Variants in DSCAM observed in about 807,000 individuals in gnomAD.
The protein encoded by DSCAM is DS cell adhesion molecule.
DSCAM carries 47 observed loss-of-function variants against 217.7 expected under a neutral mutation model. The ratio of observed to expected loss-of-function variants is 0.22; its 90% CI spans 0.17 to 0.28. DSCAM has a LOEUF of 0.28. Among genes scored for constraint, DSCAM ranks in the 10% least tolerant of loss-of-function variants. The pLI, the probability that DSCAM is intolerant of heterozygous loss-of-function variation, is 1.00. For missense variants in DSCAM, 2,080 were observed against 2,618.3 expected, an observed-to-expected ratio of 0.79 and a Z score of 4.49; for synonymous variants, 1,056 against 1,015.3, an observed-to-expected ratio of 1.04 and a Z score of -0.76.
chr21:40,329,039 A>G (rs1232906240), intron 8 of DSCAM, among the ~76,000 whole-genome samples: 4 of 152,254 alleles, frequency 2.6e-5, no homozygotes, highest in African/African-American at 7.2e-5. Flanking sequence ...TGTGGAGAAA[A>G]GAGAAGCTTT....
intron 11 of DSCAM, among the ~76,000 whole-genome samples, chr21:40,239,937 AC>A (rs1205559681): frequency 6.6e-6 from 1 of 152,134 alleles, no homozygotes; most frequent in African/African-American, 2.4e-5. Context: ...TCTCAGTTAT[AC>A]TTCCATCAGG....
At chr21:40,257,099 T>C (rs58397680) in intron 11 of DSCAM, among the ~76,000 whole-genome samples, 20,773 of 152,142 alleles carry the variant, frequency 0.14, 3,643 homozygotes, top group African/African-American at 0.39. Flanking sequence ...TATATGATAA[T>C]GGGATAAGAG....
intron 3 of DSCAM, among the ~76,000 whole-genome samples, chr21:40,674,053 G>T (rs1205463344): frequency 1.3e-5 from 2 of 152,160 alleles, no homozygotes; most frequent in African/African-American, 4.8e-5. Flanking sequence ...GTGCTGCATG[G>T]AACTGGGTTG....
intron 1 of DSCAM, among the ~76,000 whole-genome samples, chr21:40,772,583 G>A (rs1010005083): frequency 1.3e-5 from 2 of 152,198 alleles, no homozygotes; most frequent in South Asian, 2.1e-4. Context: ...TTTAGGAACT[G>A]TCTTAGTTCC....
At chr21:40,708,390 T>C in intron 2 of DSCAM, 64 bp downstream of exon 2, 1 of 1,325,778 alleles carries the variant, frequency 7.5e-7, no homozygotes, top group Non-Finnish European at 9.9e-7. Flanking sequence ...TTGCTATGTG[T>C]CATTGTCATT....
In DSCAM at chr21:40,011,120, C is replaced by T. The variant is rs1393025980; in HGVS notation, c.*1914G>A. On this transcript the variant is annotated 3_prime_UTR_variant, in exon 33 of 33. Transcript: ENST00000400454. ...AAGATAGACTTTTAATTTTTTCCCC[C>T]AGAAAGTAACATTTCTTTTGCATAA... 6.6e-6 allele frequency: 1 copy of T among 151,820 alleles called. No homozygotes were observed. Among genetic ancestry groups the T allele is most frequent in the African/African-American group, 2.4e-5 (1 of 41,272 alleles). The allele number at this position is 151,820 out of a possible 1,614,324, so 9.4% of individuals were successfully genotyped here.
At chr21:40,046,581 C>A (rs1183626958) in intron 30 of DSCAM, among the ~76,000 whole-genome samples, 1 of 152,160 alleles carries the variant, frequency 6.6e-6, no homozygotes, top group Non-Finnish European at 1.5e-5. Flanking sequence ...GTCTTCCAGG[C>A]ACTATCGACT....
intron 3 of DSCAM, among the ~76,000 whole-genome samples, chr21:40,684,117 C>A (rs9977401): frequency 4.6e-5 from 7 of 151,090 alleles, no homozygotes; most frequent in Non-Finnish European, 7.4e-5. Context: ...CCAGCTACTC[C>A]GGAGGCTGAG....
At chr21:40,104,574 C>T (rs1242243908) in intron 20 of DSCAM, among the ~76,000 whole-genome samples, 1 of 152,126 alleles carries the variant, frequency 6.6e-6, no homozygotes, top group Non-Finnish European at 1.5e-5. Context: ...AGGAGGAGCA[C>T]AGAGGGTTTT....
At chr21:40,453,358 CA>C (rs2075737457) in intron 3 of DSCAM, among the ~76,000 whole-genome samples, 1 of 152,138 alleles carries the variant, frequency 6.6e-6, no homozygotes, top group African/African-American at 2.4e-5. Flanking sequence ...CATGGTATGT[CA>C]CACTAGGAAA....
chr21:40,234,464 G>A (rs1425239885), intron 11 of DSCAM, among the ~76,000 whole-genome samples: 2 of 152,230 alleles, frequency 1.3e-5, no homozygotes, highest in Non-Finnish European at 2.9e-5. Flanking sequence ...AAAGATCATT[G>A]TAAGCTATTA....
intron 20 of DSCAM, among the ~76,000 whole-genome samples, chr21:40,103,195 C>A (rs932054501): frequency 1.3e-5 from 2 of 152,058 alleles, no homozygotes; most frequent in African/African-American, 4.8e-5. Context: ...TTAAAAATTT[C>A]AATTAACTTT....
chr21:40,042,715 C>T, intron 31 of DSCAM, 42 bp from the exon 32 acceptor site: 3 of 1,550,200 alleles, frequency 1.9e-6, no homozygotes, highest in East Asian at 2.3e-5. Flanking sequence ...GACTCACCAT[C>T]AGAAGTCTGA....
At chr21:40,821,417 A>ACACC (rs1569053724) in intron 1 of DSCAM, among the ~76,000 whole-genome samples, 12 of 150,804 alleles carry the variant, frequency 8.0e-5, no homozygotes, top group Non-Finnish European at 1.8e-4. Context: ...ACACACACAC[A>ACACC]CCCCACAGCA....
At chr21:40,783,918 A>C (rs2091569199) in intron 1 of DSCAM, among the ~76,000 whole-genome samples, 1 of 152,152 alleles carries the variant, frequency 6.6e-6, no homozygotes, top group South Asian at 2.1e-4. Context: ...CCTTTAAAAA[A>C]TTGGAAAGGT....
intron 1 of DSCAM, among the ~76,000 whole-genome samples, chr21:40,836,277 G>C (rs2092055609): frequency 6.6e-6 from 1 of 152,182 alleles, no homozygotes; most frequent in African/African-American, 2.4e-5. Flanking sequence ...ACCAATGTGA[G>C]AAATACAATG....
At chr21:40,706,245 T>G (rs1487767477) in intron 2 of DSCAM, among the ~76,000 whole-genome samples, 1 of 150,586 alleles carries the variant, frequency 6.6e-6, no homozygotes, top group Non-Finnish European at 1.5e-5. Context: ...AAAACAATCA[T>G]GAGAAATCTT....
At chr21:40,627,907 T>C (rs577094890) in intron 3 of DSCAM, among the ~76,000 whole-genome samples, 120 of 152,340 alleles carry the variant, frequency 7.9e-4, no homozygotes, top group African/African-American at 2.7e-3. Context: ...GTTTTTCTGC[T>C]GTGTTTTTGT....
At position 40,075,126 on chromosome 21, in the gene DSCAM, G is replaced by A; in HGVS notation, c.4799C>T (p.Ser1600Phe). ...CAGCAAGACCCCCACCAGGATACAG[G>A]AGATGGTCACCAGCATCTTGAGCCC... ...NEGLKMLVTI[S>F]CILVGVLLLF... Residue 1600 changes from serine (S) to phenylalanine (F), a missense_variant, in exon 27 of 33, where the codon TCC becomes TTC. Around this residue, in one of 5 missense-constraint regions of DSCAM, gnomAD observed 1,144 missense variants for 1,421.1 expected, o/e 0.81. Coordinates refer to ENST00000400454, the MANE Select transcript of DSCAM (RefSeq NM_001389.5). 1.2e-6 allele frequency: 2 copies of A among 1,614,218 alleles called. No individual in the cohort carries two copies. Among genetic ancestry groups the A allele is most frequent in the Non-Finnish European group, 1.7e-6 (2 of 1,180,044 alleles).
Sources: gnomAD v4.1 joint callset for allele counts (sites outside exome capture counted in the v4.1 genomes callset) on GRCh38, gnomAD v4.1.1 for gene constraint, gnomAD v4.1.1 regional missense constraint, MANE v1.5 for transcripts, NCBI Gene and HGNC (gene_info 2026-07-23, HGNC 2026-07-21) for gene names.